Variants in MIA2 observed in about 807,000 individuals in gnomAD.
The protein encoded by MIA2 is MIA SH3 domain ER export factor 2, also known as melanoma inhibitory activity protein 2.
Under a neutral mutation model 167.8 loss-of-function variants are expected in MIA2, and 127 were observed. The observed-to-expected ratio is 0.76, with a 90% CI of 0.66 to 0.88. The LOEUF (loss-of-function observed/expected upper bound fraction) is 0.88. Ranked by LOEUF, MIA2 falls within the 40% of genes least tolerant of loss-of-function variation. The pLI is 0.00. For synonymous variants in MIA2, 552 were observed against 541.9 expected (o/e 1.02, Z -0.26); for missense variants, 1,690 against 1,624.7 (o/e 1.04, Z -0.69).
chr14:39,269,723 G>A (rs368593411), intron 6 of MIA2, among the ~76,000 whole-genome samples: 4 of 152,000 alleles, frequency 2.6e-5, no homozygotes, highest in African/African-American at 9.7e-5. Flanking sequence ...GTTTCTCCAT[G>A]TTACCCAGGC....
At position 39,340,522 on chromosome 14, in the gene MIA2, T is replaced by C. The variant is rs141938208; in HGVS notation, c.3656-5382T>C. On this transcript the variant is annotated intron_variant, in intron 25 of 28. Coordinates refer to ENST00000640607, the MANE Select transcript of MIA2 (RefSeq NM_001329214.4). Reference sequence around the variant, plus strand: ...TTTTTACTTCACTGACTCTGATTCATAGACATTTATGCTGACCATTGTCCT... The same window carrying C: ...TTTTTACTTCACTGACTCTGATTCACAGACATTTATGCTGACCATTGTCCT... Among the ~76,000 whole-genome samples the C allele has an allele frequency of 1.9e-3, 297 of 152,316 alleles. 3 individuals are homozygous for C. The highest frequency in any genetic ancestry group is 7.7e-4 in the East Asian group (4 of 5,184).
chr14:39,274,385 A>G (rs1566664929), intron 6 of MIA2, among the ~76,000 whole-genome samples: 1 of 151,458 alleles, frequency 6.6e-6, no homozygotes, highest in Non-Finnish European at 1.5e-5. Context: ...AGAGCAATGA[A>G]TTTGAGATGA....
intron 6 of MIA2, among the ~76,000 whole-genome samples, chr14:39,260,839 A>C (rs577249269): frequency 2.0e-5 from 3 of 152,190 alleles, no homozygotes; most frequent in South Asian, 4.2e-4. Flanking sequence ...TTATGGTTTT[A>C]GGTCTATCAT....
At chr14:39,266,513 G>A in intron 6 of MIA2, 1 of 985,504 alleles carries the variant, frequency 1.0e-6, no homozygotes, top group Non-Finnish European at 1.2e-6. Flanking sequence ...CCTAACAAGT[G>A]CCCAGGTGAC....
chr14:39,233,931 T>C lies in MIA2; in HGVS notation c.-184T>C. 1 of 478,244 alleles carries C rather than the reference T, an allele frequency of 2.1e-6. No individual in the cohort carries two copies. The highest frequency in any genetic ancestry group is 3.6e-5 in the South Asian group (1 of 27,408). The allele number at this position is 478,244 out of a possible 1,614,324, so 29.6% of individuals were successfully genotyped here. A position where few individuals can be genotyped will look rare whatever the true frequency, so the allele number is the denominator to read the frequency against. ...CTGCAGATTGAAAACAGACAGTGTT[T>C]GTCTCTCAAGTTAAACCAACAAGCC... is the stretch of plus-strand genomic sequence containing the variant. On this transcript the variant is annotated 5_prime_UTR_variant, in exon 1 of 29. Coordinates refer to ENST00000640607, the MANE Select transcript of MIA2 (RefSeq NM_001329214.4).
At chr14:39,384,144 A>G (rs1380876867) in intron 23 of MIA2, among the ~76,000 whole-genome samples, 1 of 152,122 alleles carries the variant, frequency 6.6e-6, no homozygotes, top group East Asian at 1.9e-4. Context: ...GGGCAGACTG[A>G]CTCTCTTGTT....
chr14:39,286,893 G>A (rs56226468), intron 9 of MIA2, among the ~76,000 whole-genome samples: 2 of 144,024 alleles, frequency 1.4e-5, no homozygotes, highest in African/African-American at 2.6e-5. Flanking sequence ...GTGTGTGTGT[G>A]TGTGTATTTT....
chr14:39,306,711 C>G (rs560979716), intron 17 of MIA2, among the ~76,000 whole-genome samples: 8 of 152,276 alleles, frequency 5.3e-5, no homozygotes, highest in Admixed American at 2.6e-4. Context: ...TCCAAAACTT[C>G]CCTCTTTAGG....
intron 17 of MIA2, among the ~76,000 whole-genome samples, chr14:39,305,517 A>T (rs958191419): frequency 6.6e-6 from 1 of 152,232 alleles, no homozygotes; most frequent in Non-Finnish European, 1.5e-5. Context: ...TTAATGGATC[A>T]TGAAAGATAA....
rs1053012927 is a variant in MIA2 at position 39,320,658 on chromosome 14, A to G, written c.3368-270A>G. 3.9e-5 allele frequency among the ~76,000 whole-genome samples: 6 copies of G among 152,190 alleles called. No homozygotes were observed. The South Asian group carries it at 6.2e-4, about 16-fold the overall frequency. On this transcript the variant is annotated intron_variant, in intron 23 of 28. Coordinates refer to ENST00000640607, the MANE Select transcript of MIA2 (RefSeq NM_001329214.4). ...ATATCTCCAATATCCTTTGCTTAAT[A>G]TAAATGATTATTTATCATGATCTTT... is the stretch of plus-strand genomic sequence containing the variant.
At chr14:39,382,935 A>G (rs1459156529) in intron 23 of MIA2, among the ~76,000 whole-genome samples, 2 of 147,006 alleles carry the variant, frequency 1.4e-5, no homozygotes, top group South Asian at 2.1e-4. Context: ...TTTTAGACAT[A>G]TATCTGCTAT....
intron 23 of MIA2, among the ~76,000 whole-genome samples, chr14:39,373,306 CAAAAAA>C (rs34602556): frequency 1.4e-4 from 16 of 110,948 alleles, no homozygotes; most frequent in African/African-American, 4.7e-4. Context: ...AATTCTTGGC[CAAAAAA>C]AAAAAAAAAA....
intron 6 of MIA2, chr14:39,267,397 C>T: frequency 2.5e-6 from 4 of 1,607,152 alleles, no homozygotes; most frequent in Admixed American, 1.7e-5. Context: ...GTGTTCTCCG[C>T]CGTTTATTGT....
At chr14:39,334,496 C>G (rs1403961821) in intron 25 of MIA2, among the ~76,000 whole-genome samples, 1 of 151,750 alleles carries the variant, frequency 6.6e-6, no homozygotes, top group African/African-American at 2.4e-5. Context: ...AAAATGGTCA[C>G]TGAACAGATT....
At chr14:39,355,117 GA>G (rs2139245795), downstream of MIA2, among the ~76,000 whole-genome samples, 1 of 151,064 alleles carries the variant, frequency 6.6e-6, no homozygotes, top group Non-Finnish European at 1.5e-5. Context: ...GCTTGATGGG[GA>G]TGGCATTGAA....
intron 23 of MIA2, among the ~76,000 whole-genome samples, chr14:39,373,428 A>T (rs2074988119): frequency 6.6e-6 from 1 of 151,590 alleles, no homozygotes. Context: ...AGTATATTTT[A>T]AAAATAATTT....
At chr14:39,386,579 T>C in intron 23 of MIA2, 1 of 1,101,202 alleles carries the variant, frequency 9.1e-7, no homozygotes, top group South Asian at 1.4e-5. Context: ...TATCATCACC[T>C]GCTGTGCCAC....
chr14:39,354,711 T>G (rs890488597), downstream of MIA2, among the ~76,000 whole-genome samples: 1 of 152,208 alleles, frequency 6.6e-6, no homozygotes. Context: ...ATTTAAGTCT[T>G]TAATCCATCT....
At chr14:39,284,433 C>T (rs1595017251) in intron 9 of MIA2, among the ~76,000 whole-genome samples, 1 of 152,076 alleles carries the variant, frequency 6.6e-6, no homozygotes, top group South Asian at 2.1e-4. Context: ...ACTAGTACCA[C>T]GTTGTTTTCG....
Sources: allele counts gnomAD v4.1 joint callset (sites outside exome capture counted in the v4.1 genomes callset), GRCh38; gene constraint gnomAD v4.1.1; transcripts MANE v1.5; gene names NCBI Gene and HGNC (gene_info 2026-07-23, HGNC 2026-07-21).